ZNF445: variants seen among roughly 807,000 people sequenced by gnomAD.
The protein encoded by ZNF445 is zinc finger protein 445.
ZNF445 carries 19 observed loss-of-function variants against 93.9 expected under a neutral mutation model. That is an observed-to-expected ratio of 0.20 (90% CI 0.14 to 0.30). ZNF445 has a LOEUF of 0.30. Ranked by LOEUF, ZNF445 falls within the 10% of genes least tolerant of loss-of-function variation. The pLI is 1.00. For missense variants in ZNF445, 1,058 were observed against 1,259.4 expected (o/e 0.84, Z 2.42); for synonymous variants, 449 against 446.3 (o/e 1.01, Z -0.08).
intron 1 of ZNF445, among the ~76,000 whole-genome samples, 187 bp from the exon 2 acceptor site, chr3:44,458,551 T>G (rs1031719496): frequency 2.0e-5 from 3 of 152,226 alleles, no homozygotes; most frequent in Middle Eastern, 3.4e-3. Context: ...TCTGTTAAAT[T>G]ATTTGGGCTT....
At chr3:44,451,094 G>T in intron 4 of ZNF445, 132 bp from the exon 5 acceptor site, 1 of 995,574 alleles carries the variant, frequency 1.0e-6, no homozygotes, top group Non-Finnish European at 1.5e-6. Context: ...CATCTCACAT[G>T]TCCTCAGTCT....
At chr3:44,453,890 A>C (rs1390678749) in intron 3 of ZNF445, among the ~76,000 whole-genome samples, 4 of 152,208 alleles carry the variant, frequency 2.6e-5, no homozygotes, top group Non-Finnish European at 4.4e-5. Context: ...ATGTGGCCAC[A>C]GATGTTGAGG....
intron 1 of ZNF445, among the ~76,000 whole-genome samples, chr3:44,463,741 G>C (rs1326775843): frequency 6.6e-6 from 1 of 152,174 alleles, no homozygotes; most frequent in Non-Finnish European, 1.5e-5. Context: ...TCCCCACCCA[G>C]AACTGGGAGA....
At position 44,452,441 on chromosome 3, in the gene ZNF445, A is replaced by C. The variant is rs183542999; in HGVS notation, c.430-959T>G. Among the ~76,000 whole-genome samples, 125 of 152,110 alleles carry C rather than the reference A, an allele frequency of 8.2e-4. 2 individuals carry two copies. Among genetic ancestry groups the C allele is most frequent in the African/African-American group, 3.0e-3 (123 of 41,494 alleles). Reference sequence around the variant, plus strand: ...GGGCCCTGGTTTTTCACACTGTGATAATTTTGCTGAACCACAGAACGATTC... The same window carrying C: ...GGGCCCTGGTTTTTCACACTGTGATCATTTTGCTGAACCACAGAACGATTC... On this transcript the variant is annotated intron_variant, in intron 3 of 7. Transcript: ENST00000396077.
At chr3:44,465,034 T>G (rs1559398618) in intron 1 of ZNF445, among the ~76,000 whole-genome samples, 1 of 148,422 alleles carries the variant, frequency 6.7e-6, no homozygotes, top group Non-Finnish European at 1.5e-5. Context: ...ACCACTGCAT[T>G]CCAGCCTGGG....
At chr3:44,475,395 T>TC (rs1158421594) in intron 1 of ZNF445, among the ~76,000 whole-genome samples, 3 of 151,744 alleles carry the variant, frequency 2.0e-5, no homozygotes, top group Non-Finnish European at 1.5e-5. Context: ...AGATGGGGTT[T>TC]CACCATGCTG....
chr3:44,465,414 A>G lies in ZNF445; in HGVS notation c.-268-7050T>C, dbSNP rs1309470135. Among the ~76,000 whole-genome samples the G allele has an allele frequency of 5.3e-5, 8 of 151,078 alleles. No individual in the cohort carries two copies. In the East Asian group the frequency reaches 1.5e-3, roughly 29 times the overall value. ...AACAAGTTGGCTAAGATTTAAAAGA[A>G]ATTATTTAGTTTTCCACAGGTTAAA... On this transcript the variant is annotated intron_variant, in intron 1 of 7. Transcript: ENST00000396077.
Position 44,446,668 on chromosome 3 carries a change from AG to A in ZNF445, c.3002del (p.Thr1001IlefsTer25). Reference protein sequence around the residue: ...SQLISHKRFHTRERPFKCSKC... With the variant: ...SQLISHKRFHXRERPFKCSKC... ...TGCTGCATTTGAAGGGCCTCTCTCG[AG>A]TATGAAATCTCTTGTGGCTAATGAG... is the stretch of plus-strand genomic sequence containing the variant. On this transcript the variant is annotated frameshift_variant, in exon 8 of 8. Coordinates refer to ENST00000396077, the MANE Select transcript of ZNF445 (RefSeq NM_181489.6). LOFTEE classifies it high-confidence loss of function. The surrounding 1 kb of genome is among the most constrained non-coding windows in gnomAD (Gnocchi z 4.2). 6.2e-7 allele frequency: 1 copy of A among 1,614,200 alleles called. No homozygotes were observed. The highest frequency in any genetic ancestry group is 8.5e-7 in the Non-Finnish European group (1 of 1,180,052).
chr3:44,445,157 G>A lies in ZNF445; in HGVS notation c.*1418C>T, dbSNP rs1164714770. ...TCATACATGGAGAGGGGTATGTGAA[G>A]CTGAGAGGGGCCTGCAGTGTGCAGG... On this transcript the variant is annotated 3_prime_UTR_variant, in exon 8 of 8. Transcript: ENST00000396077. 6.6e-6 allele frequency: 1 copy of A among 152,234 alleles called. No individual in the cohort carries two copies. The highest frequency in any genetic ancestry group is 2.4e-5 in the African/African-American group (1 of 41,456). The allele number at this position is 152,234 out of a possible 1,614,324, so 9.4% of individuals were successfully genotyped here. A position where few individuals can be genotyped will look rare whatever the true frequency, so the allele number is the denominator to read the frequency against.
chr3:44,458,899 T>G (rs985031601), intron 1 of ZNF445, among the ~76,000 whole-genome samples: 2 of 152,186 alleles, frequency 1.3e-5, no homozygotes, highest in African/African-American at 4.8e-5. Context: ...CAAGAAGAAT[T>G]TGAACTGACA....
chr3:44,449,283 G>C (rs1697925930), intron 7 of ZNF445, among the ~76,000 whole-genome samples: 1 of 152,092 alleles, frequency 6.6e-6, no homozygotes, highest in Admixed American at 6.5e-5. Flanking sequence ...CTATTATTGA[G>C]AGGGCTGCTG....
At position 44,448,431 on chromosome 3, in the gene ZNF445, T is replaced by C. The variant is rs763237473; in HGVS notation, c.1240A>G (p.Lys414Glu). The change falls in exon 8 of 8, where the codon AAA (lysine) becomes GAA (glutamate). Residue 414 changes from lysine to glutamate, a missense_variant. Physicochemically the swap from Lys to Glu is moderately conservative, Grantham distance 56. Transcript: ENST00000396077. ...LRVSGRKESL[K>E]HGCGKHFRMS... Reference sequence around the variant, plus strand: ...CTGAAGTGTTTGCCACAGCCATGTTTAAGGGATTCCTTTCTTCCAGAAACT... The same window carrying C: ...CTGAAGTGTTTGCCACAGCCATGTTCAAGGGATTCCTTTCTTCCAGAAACT... 3 of 1,614,094 alleles carry C rather than the reference T, an allele frequency of 1.9e-6. No individual in the cohort carries two copies. Among genetic ancestry groups the C allele is most frequent in the Non-Finnish European group, 2.5e-6 (3 of 1,180,016 alleles).
At chr3:44,463,955 C>A (rs553262740) in intron 1 of ZNF445, among the ~76,000 whole-genome samples, 5 of 152,114 alleles carry the variant, frequency 3.3e-5, no homozygotes, top group African/African-American at 1.2e-4. Context: ...GGTGAAACCT[C>A]GTCTCTACTA....
chr3:44,434,490 G>A lies in ZNF445; in HGVS notation c.*12085C>T, dbSNP rs1031572163. The A allele has an allele frequency of 6.6e-6, 1 of 152,116 alleles. No individual in the cohort carries two copies. Among genetic ancestry groups the A allele is most frequent in the Non-Finnish European group, 1.5e-5 (1 of 68,028 alleles). 9.4% of individuals were successfully genotyped at this position (152,116 alleles called of 1,614,324 possible). ...GTTGTGGGTTTATTTCCTACACTGAGTCATATTATGTGTCTTCCAACATGT... is the reference window on the plus strand; with the variant it reads ...GTTGTGGGTTTATTTCCTACACTGAATCATATTATGTGTCTTCCAACATGT... On this transcript the variant is annotated 3_prime_UTR_variant, in exon 8 of 8. Coordinates refer to ENST00000396077, the MANE Select transcript of ZNF445 (RefSeq NM_181489.6).
rs1295274604 is a variant in ZNF445, at chr3:44,438,835, G to C, written c.*7740C>G. The C allele has an allele frequency of 1.5e-5, 2 of 129,308 alleles. No individual in the cohort carries two copies. Among genetic ancestry groups the C allele is most frequent in the African/African-American group, 6.0e-5 (2 of 33,560 alleles). The allele number at this position is 129,308 out of a possible 1,614,324, so 8.0% of individuals were successfully genotyped here. On this transcript the variant is annotated 3_prime_UTR_variant, in exon 8 of 8. Transcript: ENST00000396077. Reference sequence around the variant, plus strand: ...GAACAATGAGAAAACATGGACACAGGAAGGGGAACATCACACTCTGGGGAC... The same window carrying C: ...GAACAATGAGAAAACATGGACACAGCAAGGGGAACATCACACTCTGGGGAC...
intron 6 of ZNF445, 118 bp downstream of exon 6, chr3:44,450,329 G>T (rs1697939760): frequency 3.9e-6 from 5 of 1,280,064 alleles, no homozygotes; most frequent in Non-Finnish European, 5.6e-6. Context: ...AAGTGATCTG[G>T]TCAGCAGTTA....
At chr3:44,470,321 T>C (rs956691922) in intron 1 of ZNF445, among the ~76,000 whole-genome samples, 5 of 152,140 alleles carry the variant, frequency 3.3e-5, no homozygotes, top group African/African-American at 1.2e-4. Context: ...TGAAAGCACA[T>C]CCTAAATACG....
intron 7 of ZNF445, 88 bp downstream of exon 7, chr3:44,449,425 G>C (rs909188925): frequency 4.1e-5 from 45 of 1,088,522 alleles, no homozygotes; most frequent in Admixed American, 7.2e-5. Context: ...GCAAACAATG[G>C]AGTAAATTCC....
At position 44,450,583 on chromosome 3, in the gene ZNF445, C is replaced by A. The variant is rs1697943816; in HGVS notation, c.694-10G>T. ...TGAAAGTCATGGTCTCCTGAAAAAACACTGTGCCCTAGAGCTGGTCCACAG... is the reference window on the plus strand; with the variant it reads ...TGAAAGTCATGGTCTCCTGAAAAAAAACTGTGCCCTAGAGCTGGTCCACAG... On this transcript the variant is annotated splice_polypyrimidine_tract_variant and intron_variant, in intron 5 of 7. Coordinates refer to ENST00000396077, the MANE Select transcript of ZNF445 (RefSeq NM_181489.6). 6.2e-7 allele frequency: 1 copy of A among 1,613,016 alleles called. No homozygotes were observed. The highest frequency in any genetic ancestry group is 8.5e-7 in the Non-Finnish European group (1 of 1,179,522).
Sources: gnomAD v4.1 joint callset for allele counts (sites outside exome capture counted in the v4.1 genomes callset) on GRCh38, gnomAD v4.1.1 for gene constraint, Gnocchi (gnomAD v3.1) non-coding constraint, MANE v1.5 for transcripts, NCBI Gene and HGNC (gene_info 2026-07-23, HGNC 2026-07-21) for gene names.